CHRNE: variants seen among roughly 807,000 people sequenced by gnomAD.
CHRNE encodes acetylcholine receptor subunit epsilon.
CHRNE carries 58 observed loss-of-function variants against 56.5 expected under a neutral mutation model. The observed-to-expected ratio is 1.03, with a 90% CI of 0.83 to 1.28. The LOEUF (loss-of-function observed/expected upper bound fraction) is 1.28. Among genes scored for constraint, CHRNE ranks in the 50% most tolerant of loss-of-function variants. The probability of loss-of-function intolerance (pLI) is 0.00; values close to 1 mark genes in which losing one functional copy is unlikely to be tolerated. For missense variants in CHRNE, 793 were observed against 688.9 expected (o/e 1.15, Z -1.69); for synonymous variants, 385 against 297.9 (o/e 1.29, Z -3.01).
intron 6 of CHRNE, 64 bp downstream of exon 6, chr17:4,901,461 C>A (rs1969981867): frequency 2.7e-6 from 4 of 1,488,222 alleles, no homozygotes; most frequent in Non-Finnish European, 3.8e-6. Context: ...GCAAGCCCAC[C>A]GTGGAAGTCC....
rs538063018 is a variant in CHRNE at position 4,898,947 on chromosome 17, G to A, written c.1326+54C>T. On this transcript the variant is annotated intron_variant, in intron 11 of 11. Transcript: ENST00000649488. ...GGCAGCTGCAGGAGCCAGCGGCATGGGAGACAGTGGTGGGCCTCTGCCTCG... is the reference window on the plus strand; with the variant it reads ...GGCAGCTGCAGGAGCCAGCGGCATGAGAGACAGTGGTGGGCCTCTGCCTCG... 5.8e-6 allele frequency: 9 copies of A among 1,563,810 alleles called. No homozygotes were observed. In the East Asian group the frequency reaches 9.3e-5, roughly 16 times the overall value.
rs1969791155 is a variant in CHRNE at position 4,898,330 on chromosome 17, GA to G, written c.*405del. On this transcript the variant is annotated 3_prime_UTR_variant, in exon 12 of 12. Transcript: ENST00000649488. ...CCAGCAGAGCCAGACCAGGGAAGAAGAGGGTTTCCTGGCTACAGCCTCCCTG... is the reference window on the plus strand; with the variant it reads ...CCAGCAGAGCCAGACCAGGGAAGAAGGGGTTTCCTGGCTACAGCCTCCCTG... The G allele has an allele frequency of 1.3e-5, 4 of 304,558 alleles. No individual in the cohort carries two copies. The highest frequency in any genetic ancestry group is 1.2e-4 in the South Asian group (4 of 33,730). The allele number at this position is 304,558 out of a possible 1,614,324, so 18.9% of individuals were successfully genotyped here.
chr17:4,902,656 T>C lies in CHRNE; in HGVS notation c.154A>G (p.Ser52Gly). 2 of 1,614,050 alleles carry C rather than the reference T, an allele frequency of 1.2e-6. No homozygotes were observed. Among genetic ancestry groups the C allele is most frequent in the Non-Finnish European group, 1.7e-6 (2 of 1,180,000 alleles). Residue 52 changes from serine to glycine, a missense_variant, in exon 2 of 12, where the codon AGC (serine) becomes GGC (glycine). Ser to Gly is a moderately conservative substitution (Grantham distance 56). Transcript: ENST00000649488. This position sits in a 1 kb window ranked among gnomAD's most constrained non-coding sequence, Gnocchi z 4.0. The part of the protein sequence containing the change: ...VREPEDTVTI[S>G]LKVTLTNLIS... ...AGATTCGTCAGGGTGACCTTGAGGC[T>C]GATGGTGACAGTATCCTCAGGCTCC...
Position 4,899,687 on chromosome 17 carries a change from G to A in CHRNE, c.918-105C>T, listed in dbSNP as rs182418908. ...GCTTCTCCTGGTACGGGCTGGTTAC[G>A]CCCTCCAGCTGCGCCCCCTACACGA... On this transcript the variant is annotated intron_variant, in intron 8 of 11. Coordinates refer to ENST00000649488, the MANE Select transcript of CHRNE (RefSeq NM_000080.4). 7,922 of 1,454,318 alleles carry A rather than the reference G, an allele frequency of 5.4e-3. 29 individuals are homozygous for A. Among genetic ancestry groups the A allele is most frequent in the Non-Finnish European group, 6.6e-3 (6,953 of 1,059,420 alleles). The allele number at this position is 1,454,318 out of a possible 1,614,324, so 90.1% of individuals were successfully genotyped here. A position where few individuals can be genotyped will look rare whatever the true frequency, so the allele number is the denominator to read the frequency against.
At chr17:4,904,913 T>A (rs1218092168), upstream of CHRNE, among the ~76,000 whole-genome samples, 3 of 152,220 alleles carry the variant, frequency 2.0e-5, no homozygotes, top group African/African-American at 7.2e-5. Context: ...CATTTCAGAC[T>A]CCCTTTCTGG....
intron 5 of CHRNE, 136 bp downstream of exon 5, chr17:4,901,796 G>T (rs1969995050): frequency 2.9e-6 from 4 of 1,368,134 alleles, no homozygotes; most frequent in Non-Finnish European, 4.1e-6. Flanking sequence ...GCGCTGGAGC[G>T]TCCCACCCAG....
chr17:4,900,437 T>C, intron 8 of CHRNE: 1 of 1,550,710 alleles, frequency 6.4e-7, no homozygotes, highest in African/African-American at 1.4e-5. Context: ...GTGGACGGGG[T>C]CTGCAGGGGT....
upstream of CHRNE, among the ~76,000 whole-genome samples, chr17:4,907,591 C>A (rs1450501670): frequency 2.1e-5 from 2 of 93,076 alleles, no homozygotes; most frequent in African/African-American, 8.7e-5. Context: ...AAAAAAAAAA[C>A]ACTCTCAGCC....
In CHRNE at chr17:4,903,031, G is replaced by A; in HGVS notation, c.33C>T (p.Leu11=). The A allele has an allele frequency of 6.2e-7, 1 of 1,614,058 alleles. No individual in the cohort carries two copies. Among genetic ancestry groups the A allele is most frequent in the Non-Finnish European group, 8.5e-7 (1 of 1,180,002 alleles). ...CCCTGTCCGTACCGAGAAGCCCCAA[G>A]AGGAGCAGGACCCCAAGCGGAGCCC... MARAPLGVLL[L]LGLLGRGVGK... Residue 11 remains leucine, a synonymous_variant, in exon 1 of 12, where the codon CTC becomes CTT. Transcript: ENST00000649488.
At position 4,899,389 on chromosome 17, in the gene CHRNE, G is replaced by A. The variant is rs928738409; in HGVS notation, c.1033-5C>T. Reference sequence around the variant, plus strand: ...CGGCAGCAGCTCCAGGAGAACCTGGGGCAGGGGCGGGGCTTAGGGGACGAG... The same window carrying A: ...CGGCAGCAGCTCCAGGAGAACCTGGAGCAGGGGCGGGGCTTAGGGGACGAG... On this transcript the variant is annotated splice_region_variant and splice_polypyrimidine_tract_variant and intron_variant, in intron 9 of 11. Coordinates refer to ENST00000649488, the MANE Select transcript of CHRNE (RefSeq NM_000080.4). 1.3e-6 allele frequency: 2 copies of A among 1,534,094 alleles called. No individual in the cohort carries two copies. Among genetic ancestry groups the A allele is most frequent in the Non-Finnish European group, 1.7e-6 (2 of 1,143,952 alleles).
rs1278514080 is a variant in CHRNE at position 4,902,266 on chromosome 17, G to A, written c.295C>T (p.Arg99Ter). 1.9e-6 allele frequency: 3 copies of A among 1,614,018 alleles called. No homozygotes were observed. Among genetic ancestry groups the A allele is most frequent in the African/African-American group, 2.7e-5 (2 of 74,918 alleles). ...KDDFGGIETL[R>*]VPSELVWLPE... ...AGCCACACGAGTTCTGAAGGGACTC[G>A]CAGGGTTTCTATACCCCCAAAGTCG... Residue 99 changes from arginine to a stop codon, truncating the protein, a stop_gained, in exon 4 of 12, where the codon CGA becomes TGA. Coordinates refer to ENST00000649488, the MANE Select transcript of CHRNE (RefSeq NM_000080.4). LOFTEE classifies it high-confidence loss of function. The surrounding 1 kb of genome is among the most constrained non-coding windows in gnomAD (Gnocchi z 4.0).
upstream of CHRNE, among the ~76,000 whole-genome samples, chr17:4,907,523 A>T (rs200873012): frequency 4.3e-5 from 6 of 140,172 alleles, no homozygotes; most frequent in Non-Finnish European, 7.6e-5. Flanking sequence ...AGCCAAGATC[A>T]CGCCACTGCA....
rs1053507936 is a variant in CHRNE, at chr17:4,899,332, G to T, written c.1085C>A (p.Ala362Asp). The T allele has an allele frequency of 1.3e-6, 2 of 1,552,982 alleles. No homozygotes were observed. The highest frequency in any genetic ancestry group is 1.9e-5 in the Admixed American group (1 of 51,892). Residue 362 changes from alanine to aspartate, a missense_variant, in exon 10 of 12, where the codon GCC (alanine) becomes GAC (aspartate). Physicochemically the swap from Ala to Asp is moderately radical, Grantham distance 126 (BLOSUM62 -2). Transcript: ENST00000649488. ...RLLGSPPPPE[A>D]PRAASPPRRA... Reference sequence around the variant, plus strand: ...CCTTGGGGGCGAGGCGGCCCGGGGGGCCTCGGGCGGCGGCGGGGAGCCCAG... The same window carrying T: ...CCTTGGGGGCGAGGCGGCCCGGGGGTCCTCGGGCGGCGGCGGGGAGCCCAG...
Position 4,899,031 on chromosome 17 carries a change from C to G in CHRNE, c.1296G>C (p.Glu432Asp), listed in dbSNP as rs759230979. ...CCVDAVNFVA[E>D]STRDQEATGE... ...CGGTGGCCTCCTGATCTCTCGTGCT[C>G]TCGGCCACGAAGTTCACGGCATCCA... The change falls in exon 11 of 12, where the codon GAG (glutamate) becomes GAC (aspartate). Residue 432 changes from glutamate (E) to aspartate (D), a missense_variant. Coordinates refer to ENST00000649488, the MANE Select transcript of CHRNE (RefSeq NM_000080.4). 1 of 1,610,226 alleles carries G rather than the reference C, an allele frequency of 6.2e-7. No homozygotes were observed. Among genetic ancestry groups the G allele is most frequent in the East Asian group, 2.2e-5 (1 of 44,820 alleles).
rs3514 is a variant in CHRNE, at chr17:4,898,299, C to G, written c.*437G>C. ...CAGCACTGAAGGTGTTTGGTTCCCACCCGCTCCAGCAGAGCCAGACCAGGG... is the reference window on the plus strand; with the variant it reads ...CAGCACTGAAGGTGTTTGGTTCCCAGCCGCTCCAGCAGAGCCAGACCAGGG... On this transcript the variant is annotated 3_prime_UTR_variant, in exon 12 of 12. Coordinates refer to ENST00000649488, the MANE Select transcript of CHRNE (RefSeq NM_000080.4). 0.17 allele frequency: 46,324 copies of G among 276,544 alleles called. 4,570 individuals carry two copies. The highest frequency in any genetic ancestry group is 0.3 in the African/African-American group (13,381 of 45,268). 17.1% of individuals were successfully genotyped at this position (276,544 alleles called of 1,614,324 possible).
rs374577354 is a variant in CHRNE, at chr17:4,898,768, C to G, written c.1450G>C (p.Asp484His). 2.7e-5 allele frequency: 44 copies of G among 1,610,848 alleles called. No homozygotes were observed. The highest frequency in any genetic ancestry group is 3.6e-5 in the Non-Finnish European group (42 of 1,179,000). The change falls in exon 12 of 12, where the codon GAT becomes CAT. Residue 484 changes from aspartate (D) to histidine (H), a missense_variant. Coordinates refer to ENST00000649488, the MANE Select transcript of CHRNE (RefSeq NM_000080.4). ...FLGAYFNRVP[D>H]LPYAPCIQP is the part of the protein sequence containing the mutation. ...TGGATACACGGCGCGTAGGGGAGAT[C>G]AGGCACTCGGTTGAAGTAGGCCCCG...
At chr17:4,906,781 A>T (rs1425174897), upstream of CHRNE, among the ~76,000 whole-genome samples, 4 of 149,862 alleles carry the variant, frequency 2.7e-5, no homozygotes, top group Non-Finnish European at 4.5e-5. Context: ...AAAACTGTTT[A>T]AAAAAAAAAG....
intron 8 of CHRNE, 105 bp downstream of exon 8, chr17:4,900,688 C>A (rs1304367536): frequency 4.1e-6 from 6 of 1,463,870 alleles, no homozygotes; most frequent in African/African-American, 1.4e-5. Flanking sequence ...CCGAATAAAG[C>A]CCAGGGCGGG....
intron 8 of CHRNE, 171 bp downstream of exon 8, chr17:4,900,622 C>T: frequency 6.6e-7 from 1 of 1,506,686 alleles, no homozygotes; most frequent in Non-Finnish European, 9.0e-7. Flanking sequence ...CGTCCAGCAG[C>T]AGTGAGGAGG....
Sources: allele counts gnomAD v4.1 joint callset (sites outside exome capture counted in the v4.1 genomes callset), GRCh38; gene constraint gnomAD v4.1.1; non-coding constraint Gnocchi (gnomAD v3.1); transcripts MANE v1.5; gene names NCBI Gene and HGNC (gene_info 2026-07-23, HGNC 2026-07-21).